Variants in OPHN1 observed in about 807,000 individuals in gnomAD.
OPHN1 encodes oligophrenin 1.
OPHN1 carries 11 observed loss-of-function variants against 60.7 expected under a neutral mutation model. The ratio of observed to expected loss-of-function variants is 0.18; its 90% CI spans 0.11 to 0.30. OPHN1 has a LOEUF of 0.30. Among genes scored for constraint, OPHN1 ranks in the 10% least tolerant of loss-of-function variants. The pLI, the probability that OPHN1 is intolerant of heterozygous loss-of-function variation, is 1.00. For missense variants in OPHN1, 449 were observed against 611.0 expected (o/e 0.73, Z 2.80); for synonymous variants, 226 against 222.6 (o/e 1.02, Z -0.14).
chrX:68,074,560 T>A (rs1168653110), intron 19 of OPHN1, among the ~76,000 whole-genome samples: 1 of 111,618 alleles, frequency 9.0e-6, no homozygotes, highest in Non-Finnish European at 1.9e-5. Flanking sequence ...AGACTGATCT[T>A]CCTTCAGATA....
intron 19 of OPHN1, among the ~76,000 whole-genome samples, chrX:68,091,501 G>A (rs1395831819): frequency 9.0e-6 from 1 of 111,231 alleles, no homozygotes; most frequent in East Asian, 2.8e-4. Flanking sequence ...CAGTAGACAA[G>A]CAGGAATGGA....
intron 5 of OPHN1, among the ~76,000 whole-genome samples, chrX:68,270,128 T>G (rs1157127106): frequency 1.8e-5 from 2 of 111,102 alleles, no homozygotes; most frequent in African/African-American, 3.3e-5. Flanking sequence ...GGAACACTTT[T>G]ACACTGTTGG....
chrX:68,256,089 G>A (rs2077861935), intron 5 of OPHN1, among the ~76,000 whole-genome samples: 1 of 111,224 alleles, frequency 9.0e-6, no homozygotes, highest in Non-Finnish European at 1.9e-5. Flanking sequence ...CACTGCGAAT[G>A]CACCAGATTT....
chrX:68,327,978 C>T lies in OPHN1; in HGVS notation c.155-28882G>A, dbSNP rs1407114613. On this transcript the variant is annotated intron_variant, in intron 2 of 24. Coordinates refer to ENST00000355520, the MANE Select transcript of OPHN1 (RefSeq NM_002547.3). ...CCGAGTAGCTGGGACTACAGGCGCC[C>T]GCCACCGCGCCCGGCTAATTTTTTG... 2.4e-3 allele frequency among the ~76,000 whole-genome samples: 199 copies of T among 82,656 alleles called. No homozygotes were observed. In the Middle Eastern group the frequency reaches 0.028, roughly 12 times the overall value. The allele number at this position is 82,656 out of a possible 115,157, so 71.8% of individuals were successfully genotyped here. A position where few individuals can be genotyped will look rare whatever the true frequency, so the allele number is the denominator to read the frequency against.
intron 6 of OPHN1, among the ~76,000 whole-genome samples, chrX:68,228,847 G>C (rs899080362): frequency 2.7e-4 from 30 of 110,466 alleles, no homozygotes; most frequent in Non-Finnish European, 4.3e-4. Context: ...TTTGAAAACT[G>C]GCACAAGACA....
At chrX:68,187,000 T>G (rs1398855482) in intron 15 of OPHN1, among the ~76,000 whole-genome samples, 1 of 111,922 alleles carries the variant, frequency 8.9e-6, no homozygotes, top group Non-Finnish European at 1.9e-5. Flanking sequence ...TGAAAGGAAT[T>G]TATTTCTGCT....
At chrX:68,315,614 A>C in intron 2 of OPHN1, among the ~76,000 whole-genome samples, 1 of 112,020 alleles carries the variant, frequency 8.9e-6, no homozygotes, top group East Asian at 2.8e-4. Context: ...GTAAAGGAAG[A>C]AGTAAAATTA....
At chrX:68,134,839 C>T (rs183935030) in intron 15 of OPHN1, among the ~76,000 whole-genome samples, 59 of 110,920 alleles carry the variant, frequency 5.3e-4, no homozygotes, top group Non-Finnish European at 4.3e-4. Context: ...ACCGCCTGCC[C>T]GAAGTCACAT....
intron 6 of OPHN1, among the ~76,000 whole-genome samples, chrX:68,222,576 A>T (rs182705729): frequency 0.019 from 2,004 of 102,789 alleles, 61 homozygotes; most frequent in African/African-American, 0.067. Flanking sequence ...TGGCACATAT[A>T]CACTATGGAA....
chrX:68,100,739 T>TTTTA (rs1050721880), intron 18 of OPHN1, among the ~76,000 whole-genome samples: 7 of 109,829 alleles, frequency 6.4e-5, no homozygotes, highest in East Asian at 2.9e-4. Flanking sequence ...TATTTTTTAT[T>TTTTA]TTTATTTATT....
rs2077517191 is a variant in OPHN1, at chrX:68,197,378, C to T, written c.1026-114G>A. ...GTTTGTCACACTGAACAAGCATAGGCTTACAGAATACTAATTTTTCAAAAT... is the reference window on the plus strand; with the variant it reads ...GTTTGTCACACTGAACAAGCATAGGTTTACAGAATACTAATTTTTCAAAAT... On this transcript the variant is annotated intron_variant, in intron 11 of 24. Transcript: ENST00000355520. 37 of 529,292 alleles carry T rather than the reference C, an allele frequency of 7.0e-5. No homozygotes were observed. In the South Asian group the frequency reaches 1.0e-3, roughly 15 times the overall value. The allele number at this position is 529,292 out of a possible 1,213,427, so 43.6% of individuals were successfully genotyped here. A position where few individuals can be genotyped will look rare whatever the true frequency, so the allele number is the denominator to read the frequency against.
chrX:68,176,222 C>T (rs1418814261), intron 15 of OPHN1, among the ~76,000 whole-genome samples: 1 of 111,559 alleles, frequency 9.0e-6, no homozygotes, highest in Non-Finnish European at 1.9e-5. Flanking sequence ...ATAAATTGGG[C>T]TACAACAAAA....
At chrX:68,209,355 A>G (rs2077573870) in intron 9 of OPHN1, among the ~76,000 whole-genome samples, 1 of 112,162 alleles carries the variant, frequency 8.9e-6, no homozygotes, top group Non-Finnish European at 1.9e-5. Context: ...ACTAAGTGCT[A>G]TAAGAGCATC....
chrX:68,234,769 A>C (rs2077744774), intron 5 of OPHN1, among the ~76,000 whole-genome samples, 181 bp from the exon 6 acceptor site: 1 of 112,260 alleles, frequency 8.9e-6, no homozygotes, highest in Admixed American at 9.5e-5. Context: ...GCTTCCTGAA[A>C]TATAACCCCA....
chrX:68,352,971 G>A (rs1045133009), intron 2 of OPHN1, among the ~76,000 whole-genome samples: 4 of 110,096 alleles, frequency 3.6e-5, no homozygotes, highest in Non-Finnish European at 5.7e-5. Flanking sequence ...GGCCAACATA[G>A]GAAGATCCTA....
At chrX:68,195,814 G>A (rs190233968) in intron 12 of OPHN1, among the ~76,000 whole-genome samples, 15 of 111,816 alleles carry the variant, frequency 1.3e-4, no homozygotes, top group African/African-American at 4.9e-4. Flanking sequence ...TCTAAACAAG[G>A]GATTTGTGGA....
rs1188011531 is a variant in OPHN1 at position 68,425,812 on chromosome X, C to CTTTTTTTTTTT, written c.154+7044_154+7054dup. Among the ~76,000 whole-genome samples, 2 of 38,658 alleles carry CTTTTTTTTTTT rather than the reference C, an allele frequency of 5.2e-5. 1 individual carries two copies. The allele number at this position is 38,658 out of a possible 115,157, so 33.6% of individuals were successfully genotyped here. On this transcript the variant is annotated intron_variant, in intron 2 of 24. Coordinates refer to ENST00000355520, the MANE Select transcript of OPHN1 (RefSeq NM_002547.3). ...TGAGCCAATGCACCTGGACTGGATT[C>CTTTTTTTTTTT]TTTTTTTTTTTTTTTTTTTTTTTTT... is the stretch of plus-strand genomic sequence containing the variant.
rs746792037 is a variant in OPHN1 at position 68,202,714 on chromosome X, C to T, written c.934-1004G>A. 4.7e-3 allele frequency among the ~76,000 whole-genome samples: 514 copies of T among 109,235 alleles called. 3 individuals carry two copies. Among genetic ancestry groups the T allele is most frequent in the Middle Eastern group, 0.014 (3 of 211 alleles). The allele number at this position is 109,235 out of a possible 115,157, so 94.9% of individuals were successfully genotyped here. A position where few individuals can be genotyped will look rare whatever the true frequency, so the allele number is the denominator to read the frequency against. ...ATTTCACCATGTTGGTCAGGGTGGT[C>T]TCGAACTCCTGACCTCGTGATCCAC... On this transcript the variant is annotated intron_variant, in intron 10 of 24. Coordinates refer to ENST00000355520, the MANE Select transcript of OPHN1 (RefSeq NM_002547.3).
upstream of OPHN1, chrX:68,433,519 G>A (rs1739306568): frequency 1.0e-5 from 3 of 289,503 alleles, no homozygotes; most frequent in Non-Finnish European, 6.0e-6. Context: ...GGGCAACCCG[G>A]ATTGCACTGT....
Sources: allele counts gnomAD v4.1 joint callset (sites outside exome capture counted in the v4.1 genomes callset), GRCh38; gene constraint gnomAD v4.1.1; transcripts MANE v1.5; gene names NCBI Gene and HGNC (gene_info 2026-07-23, HGNC 2026-07-21).